Variants in ATP6V0D2 observed in about 807,000 individuals in gnomAD.
ATP6V0D2 encodes V-type proton ATPase subunit d 2.
Under a neutral mutation model 40.0 loss-of-function variants are expected in ATP6V0D2, and 40 were observed. That is an observed-to-expected ratio of 1.00 (90% confidence interval 0.78 to 1.30). ATP6V0D2 has a LOEUF of 1.30. ATP6V0D2 is among the 50% of genes most tolerant of loss of function. The probability of loss-of-function intolerance (pLI) is 0.00; values close to 1 mark genes in which losing one functional copy is unlikely to be tolerated. For synonymous variants in ATP6V0D2, 179 were observed against 156.3 expected, an observed-to-expected ratio of 1.15 and a Z score of -1.08; for missense variants, 470 against 423.1, an observed-to-expected ratio of 1.11 and a Z score of -0.97.
intron 2 of ATP6V0D2, 85 bp from the exon 3 acceptor site, chr8:86,139,372 C>A: frequency 1.7e-6 from 2 of 1,197,820 alleles, no homozygotes; most frequent in East Asian, 2.4e-5. Flanking sequence ...CAGTGTGTAC[C>A]TAAAGAGTGT....
At chr8:86,126,557 T>A (rs900217094) in intron 2 of ATP6V0D2, among the ~76,000 whole-genome samples, 12 of 152,024 alleles carry the variant, frequency 7.9e-5, no homozygotes, top group African/African-American at 2.9e-4. Context: ...TCACACTAAA[T>A]ATGTATTAAA....
chr8:86,138,058 G>A (rs1448980599), intron 2 of ATP6V0D2, among the ~76,000 whole-genome samples: 1 of 152,126 alleles, frequency 6.6e-6, no homozygotes. Context: ...TAACATTCAA[G>A]TTCCTCATCT....
intron 5 of ATP6V0D2, 41 bp from the exon 6 acceptor site, chr8:86,150,071 G>T: frequency 6.3e-7 from 1 of 1,581,782 alleles, no homozygotes; most frequent in South Asian, 1.1e-5. Flanking sequence ...ATAGCATTTA[G>T]CAGTTTATTA....
chr8:86,134,969 T>A (rs1818878387), intron 2 of ATP6V0D2, among the ~76,000 whole-genome samples: 1 of 150,106 alleles, frequency 6.7e-6, no homozygotes. Context: ...TATATATTAT[T>A]CAGAAAATGG....
At chr8:86,137,965 T>C (rs892195720) in intron 2 of ATP6V0D2, among the ~76,000 whole-genome samples, 7 of 152,208 alleles carry the variant, frequency 4.6e-5, no homozygotes, top group African/African-American at 1.4e-4. Flanking sequence ...TAGGTGTTTG[T>C]TTACCTTTTC....
intron 2 of ATP6V0D2, among the ~76,000 whole-genome samples, chr8:86,124,734 G>T (rs1479778221): frequency 3.3e-5 from 5 of 152,072 alleles, no homozygotes; most frequent in Admixed American, 6.6e-5. Flanking sequence ...GTGAGGCCCG[G>T]TGCAAAATAT....
At chr8:86,106,906 C>T (rs889485184) in intron 1 of ATP6V0D2, among the ~76,000 whole-genome samples, 9 of 151,946 alleles carry the variant, frequency 5.9e-5, no homozygotes, top group African/African-American at 1.4e-4. Flanking sequence ...TGCAGTGGCT[C>T]ATGTTTGTAA....
chr8:86,119,319 C>T (rs1012191802), intron 2 of ATP6V0D2, among the ~76,000 whole-genome samples: 2 of 151,754 alleles, frequency 1.3e-5, no homozygotes, highest in African/African-American at 2.4e-5. Flanking sequence ...AGCTCCACCC[C>T]CCAGGTTCAA....
chr8:86,137,206 G>A (rs1189667289), intron 2 of ATP6V0D2, among the ~76,000 whole-genome samples: 3 of 152,168 alleles, frequency 2.0e-5, no homozygotes, highest in African/African-American at 4.8e-5. Context: ...CACTGAAGGC[G>A]TTTTCATTGC....
intron 2 of ATP6V0D2, among the ~76,000 whole-genome samples, chr8:86,137,442 A>C (rs1265068696): frequency 2.0e-5 from 3 of 152,048 alleles, no homozygotes; most frequent in African/African-American, 7.2e-5. Context: ...CTCTACATGC[A>C]CTCTACGATG....
chr8:86,143,943 C>T (rs2721252), intron 5 of ATP6V0D2, among the ~76,000 whole-genome samples: 65,482 of 151,908 alleles, frequency 0.43, 15,906 homozygotes, highest in Middle Eastern at 0.6. Context: ...ATAGCTTCAT[C>T]CACAGGGACA....
intron 2 of ATP6V0D2, among the ~76,000 whole-genome samples, chr8:86,133,089 A>G (rs1048000560): frequency 6.6e-6 from 1 of 152,094 alleles, no homozygotes; most frequent in African/African-American, 2.4e-5. Context: ...CTAATGACTA[A>G]AAGATAGAGA....
intron 4 of ATP6V0D2, 64 bp downstream of exon 4, chr8:86,141,593 T>C: frequency 8.4e-7 from 1 of 1,192,244 alleles, no homozygotes; most frequent in Non-Finnish European, 1.2e-6. Context: ...TAGAGTTCTC[T>C]ATTAAAACTT....
intron 2 of ATP6V0D2, among the ~76,000 whole-genome samples, chr8:86,137,143 A>C (rs1300018855): frequency 6.6e-6 from 1 of 152,054 alleles, no homozygotes; most frequent in African/African-American, 2.4e-5. Context: ...TCAGACACAC[A>C]ATGGCCAGTC....
intron 5 of ATP6V0D2, among the ~76,000 whole-genome samples, chr8:86,144,243 A>G (rs1422022960): frequency 6.6e-6 from 1 of 152,238 alleles, no homozygotes; most frequent in African/African-American, 2.4e-5. Context: ...CATCCTGCAC[A>G]TAATTTGCAC....
At position 86,149,052 on chromosome 8, in the gene ATP6V0D2, G is replaced by GAAAAAAAAAA. The variant is rs1166858589; in HGVS notation, c.640-1058_640-1057insAAAAAAAAAA. On this transcript the variant is annotated intron_variant, in intron 5 of 7. Transcript: ENST00000285393. ...ACAGAGTGAGACCCAATCTCCAAAG[G>GAAAAAAAAAA]AAGAAAAAAAAAAAAAAAAAAAACC... Among the ~76,000 whole-genome samples, 23 of 69,002 alleles carry GAAAAAAAAAA rather than the reference G, an allele frequency of 3.3e-4. 2 individuals carry two copies. The highest frequency in any genetic ancestry group is 7.9e-4 in the African/African-American group (12 of 15,276). 45.3% of individuals were successfully genotyped at this position (69,002 alleles called of 152,430 possible). A position where few individuals can be genotyped will look rare whatever the true frequency, so the allele number is the denominator to read the frequency against.
intron 2 of ATP6V0D2, among the ~76,000 whole-genome samples, chr8:86,139,114 G>C (rs866666267): frequency 2.6e-5 from 4 of 151,772 alleles, no homozygotes; most frequent in African/African-American, 4.8e-5. Context: ...TGTAATCCCA[G>C]CTACTCAGGA....
intron 5 of ATP6V0D2, among the ~76,000 whole-genome samples, chr8:86,147,105 T>G (rs1819081184): frequency 6.6e-6 from 1 of 152,214 alleles, no homozygotes; most frequent in Non-Finnish European, 1.5e-5. Flanking sequence ...AATAGGGCAG[T>G]GAAAAACAAT....
At chr8:86,152,649 T>C (rs1586108076) in intron 7 of ATP6V0D2, among the ~76,000 whole-genome samples, 167 bp from the exon 8 acceptor site, 1 of 152,238 alleles carries the variant, frequency 6.6e-6, no homozygotes, top group South Asian at 2.1e-4. Context: ...ACTCTCTCTT[T>C]AGAACTTTCT....
Sources: allele counts gnomAD v4.1 joint callset (sites outside exome capture counted in the v4.1 genomes callset), GRCh38; gene constraint gnomAD v4.1.1; transcripts MANE v1.5; gene names NCBI Gene and HGNC (gene_info 2026-07-23, HGNC 2026-07-21).